The following GLG1 variants were observed in gnomAD, a reference collection of about 807,000 sequenced individuals.
GLG1 encodes golgi glycoprotein 1, also known as Golgi apparatus protein 1.
In GLG1, 38 loss-of-function variants were observed where a neutral mutation model predicts 160.5. The observed-to-expected ratio is 0.24, with a 90% CI of 0.18 to 0.31. The LOEUF (loss-of-function observed/expected upper bound fraction) is 0.31, where lower values mean the gene tolerates loss of function less well. GLG1 is among the 10% of genes least tolerant of loss of function. The pLI, the probability that GLG1 is intolerant of heterozygous loss-of-function variation, is 1.00. For synonymous variants in GLG1, 644 were observed against 543.4 expected (o/e 1.19, Z -2.57); for missense variants, 1,373 against 1,505.2 (o/e 0.91, Z 1.45).
At chr16:74,583,782 A>C (rs541772833) in intron 1 of GLG1, among the ~76,000 whole-genome samples, 2 of 152,238 alleles carry the variant, frequency 1.3e-5, no homozygotes, top group Admixed American at 6.5e-5. Flanking sequence ...CCAATGTCCA[A>C]GCATCTCTCT....
intron 1 of GLG1, among the ~76,000 whole-genome samples, chr16:74,540,093 T>TTATA (rs1481776509): frequency 0.021 from 10 of 466 alleles, 5 homozygotes; most frequent in Non-Finnish European, 0.13. Context: ...TATATATATA[T>TTATA]TATATATATT....
At chr16:74,477,976 A>AT (rs1567468753) in intron 11 of GLG1, among the ~76,000 whole-genome samples, 18 of 144,972 alleles carry the variant, frequency 1.2e-4, no homozygotes, top group African/African-American at 3.1e-4. Context: ...TCCGTCTCAA[A>AT]AAAATAAATA....
chr16:74,519,259 C>G (rs1375203473), intron 2 of GLG1, among the ~76,000 whole-genome samples: 3 of 151,132 alleles, frequency 2.0e-5, no homozygotes, highest in Middle Eastern at 3.4e-3. Context: ...ACCACATGTT[C>G]TCACTCATAC....
chr16:74,482,725 A>G (rs2015648239), intron 10 of GLG1, among the ~76,000 whole-genome samples: 1 of 152,158 alleles, frequency 6.6e-6, no homozygotes, highest in African/African-American at 2.4e-5. Context: ...TGCCACCCCC[A>G]CAGGTGCCAT....
At chr16:74,600,761 AAAAC>A (rs1668136135) in intron 1 of GLG1, among the ~76,000 whole-genome samples, 1 of 151,976 alleles carries the variant, frequency 6.6e-6, no homozygotes, top group African/African-American at 2.4e-5. Flanking sequence ...AAAACAAAAA[AAAAC>A]AGTGACAGAA....
At chr16:74,533,017 C>A (rs2017587876) in intron 1 of GLG1, among the ~76,000 whole-genome samples, 1 of 152,056 alleles carries the variant, frequency 6.6e-6, no homozygotes, top group Non-Finnish European at 1.5e-5. Context: ...GATACACATA[C>A]CAGAGATAAA....
rs748817486 is a variant in GLG1 at position 74,491,211 on chromosome 16, T to C, written c.1239A>G (p.Arg413=). The C allele has an allele frequency of 9.9e-6, 16 of 1,611,752 alleles. 1 individual carries two copies. Among genetic ancestry groups the C allele is most frequent in the Non-Finnish European group, 1.4e-5 (16 of 1,178,102 alleles). The change falls in exon 8 of 26, where the codon CGA becomes CGG. Residue 413 remains arginine (R), a synonymous_variant. Coordinates refer to ENST00000422840, the MANE Select transcript of GLG1 (RefSeq NM_001145667.2). The stretch of plus-strand genomic sequence containing the variant: ...CCCCCTGGCACTCACTGCTGACTTG[T>C]CGCCCTAAGTTAGGATGTAAGTCAT... ...MCLESAVHRG[R]QVSSECQGEM...
Position 74,474,550 on chromosome 16 carries a change from G to A in GLG1, c.2048C>T (p.Ser683Leu), listed in dbSNP as rs1288897573. 6.8e-7 allele frequency: 1 copy of A among 1,472,888 alleles called. No homozygotes were observed. The highest frequency in any genetic ancestry group is 9.5e-7 in the Non-Finnish European group (1 of 1,051,170). 91.2% of individuals were successfully genotyped at this position (1,472,888 alleles called of 1,614,324 possible). A position where few individuals can be genotyped will look rare whatever the true frequency, so the allele number is the denominator to read the frequency against. ...AGTAAGCTGCATACCACTTACCTCT[G>A]ATTCTAACTCAGTGAGGTTGCCAAC... ...DIVGNLTELE[S>L]EDIQIEALLM... Residue 683 changes from serine to leucine, a missense_variant, in exon 13 of 26, where the codon TCA (serine) becomes TTA (leucine). Transcript: ENST00000422840.
chr16:74,482,441 A>C (rs896003147), intron 10 of GLG1, among the ~76,000 whole-genome samples: 5 of 152,266 alleles, frequency 3.3e-5, no homozygotes, highest in Non-Finnish European at 5.9e-5. Context: ...CAAGATGCGG[A>C]AAGAGGAGGG....
At chr16:74,541,231 G>C (rs1222276015) in intron 1 of GLG1, among the ~76,000 whole-genome samples, 1 of 144,176 alleles carries the variant, frequency 6.9e-6, no homozygotes, top group East Asian at 2.1e-4. Flanking sequence ...GGCTGAGGCA[G>C]AAGAATCACT....
In GLG1 at chr16:74,472,973, T is replaced by G. The variant is rs530009808; in HGVS notation, c.2053-562A>C. On this transcript the variant is annotated intron_variant, in intron 13 of 25. Coordinates refer to ENST00000422840, the MANE Select transcript of GLG1 (RefSeq NM_001145667.2). The stretch of plus-strand genomic sequence containing the variant: ...ATGATGACAATGATAATGTGAGAGA[T>G]GACGACGAAATGAGAGAAGGCAATG... The G allele has an allele frequency of 1.8e-4, 28 of 156,480 alleles. No individual in the cohort carries two copies. In the South Asian group the frequency reaches 5.1e-3, roughly 28 times the overall value. 9.7% of individuals were successfully genotyped at this position (156,480 alleles called of 1,614,324 possible). A position where few individuals can be genotyped will look rare whatever the true frequency, so the allele number is the denominator to read the frequency against.
intron 4 of GLG1, among the ~76,000 whole-genome samples, chr16:74,502,736 T>G (rs937662722): frequency 2.7e-5 from 4 of 147,728 alleles, no homozygotes; most frequent in African/African-American, 5.0e-5. Context: ...TTTTTTTTTT[T>G]TTTTTTTGTA....
chr16:74,536,550 G>A (rs1394677784), intron 1 of GLG1, among the ~76,000 whole-genome samples: 2 of 152,122 alleles, frequency 1.3e-5, no homozygotes, highest in African/African-American at 4.8e-5. Context: ...GCAAGAGGAG[G>A]GACTTGAGAT....
intron 1 of GLG1, among the ~76,000 whole-genome samples, chr16:74,585,233 C>T (rs960851460): frequency 6.6e-6 from 1 of 151,916 alleles, no homozygotes; most frequent in Non-Finnish European, 1.5e-5. Flanking sequence ...CATGGTGAAA[C>T]CCCATCTCTA....
intron 1 of GLG1, among the ~76,000 whole-genome samples, chr16:74,547,072 C>G (rs1464335367): frequency 6.6e-6 from 1 of 152,080 alleles, no homozygotes; most frequent in African/African-American, 2.4e-5. Flanking sequence ...GTTGACTTCC[C>G]TGGTTTAAGA....
At chr16:74,552,511 G>A (rs1044254095) in intron 1 of GLG1, 13 of 423,456 alleles carry the variant, frequency 3.1e-5, no homozygotes, top group East Asian at 1.9e-4. Flanking sequence ...CATCTGCCCC[G>A]TGAGACTGTG....
At chr16:74,583,586 G>C (rs1164484056) in intron 1 of GLG1, among the ~76,000 whole-genome samples, 1 of 152,102 alleles carries the variant, frequency 6.6e-6, no homozygotes, top group Non-Finnish European at 1.5e-5. Context: ...CACCATGTTG[G>C]CCAGGCTGGT....
chr16:74,590,191 G>C (rs1958141304), intron 1 of GLG1, among the ~76,000 whole-genome samples: 1 of 151,966 alleles, frequency 6.6e-6, no homozygotes, highest in African/African-American at 2.4e-5. Flanking sequence ...AGTAGAGACA[G>C]GATTTCACCA....
intron 1 of GLG1, among the ~76,000 whole-genome samples, chr16:74,547,731 C>A (rs1289853181): frequency 1.3e-5 from 2 of 152,220 alleles, no homozygotes; most frequent in Non-Finnish European, 1.5e-5. Flanking sequence ...TTTCCAAACC[C>A]CTCTGACAAA....
Sources: gnomAD v4.1 joint callset for allele counts (sites outside exome capture counted in the v4.1 genomes callset) on GRCh38, gnomAD v4.1.1 for gene constraint, MANE v1.5 for transcripts, NCBI Gene and HGNC (gene_info 2026-07-23, HGNC 2026-07-21) for gene names.